Variants in ETV5 observed in about 807,000 individuals in gnomAD.
ETV5 encodes the protein ETS variant transcription factor 5.
ETV5 carries 10 observed loss-of-function variants against 70.0 expected under a neutral mutation model. The observed-to-expected ratio is 0.14, with a 90% CI of 0.09 to 0.24. The LOEUF (loss-of-function observed/expected upper bound fraction) is 0.24, where lower values mean the gene tolerates loss of function less well. ETV5 is among the 10% of genes least tolerant of loss of function. ETV5 has a pLI of 1.00. For missense variants in ETV5, 453 were observed against 651.2 expected, an observed-to-expected ratio of 0.70 and a Z score of 3.31; for synonymous variants, 216 against 242.2, an observed-to-expected ratio of 0.89 and a Z score of 1.01.
Position 186,048,690 on chromosome 3 carries a change from C to T in ETV5, c.1482G>A (p.Leu494=). ...THFEDSPAYL[L]DMDRCSSLPY... ...GGAGGCTGCTGCAGCGGTCCATGTC[C>T]AGGAGGTAAGCGGGGCTGTCTTCAA... The change falls in exon 13 of 13, where the codon CTG becomes CTA. Residue 494 remains leucine, a synonymous_variant. Transcript: ENST00000306376. 1 of 1,614,164 alleles carries T rather than the reference C, an allele frequency of 6.2e-7. No individual in the cohort carries two copies.
In ETV5 at chr3:186,057,227, G is replaced by T; in HGVS notation, c.1057C>A (p.Pro353Thr). The change falls in exon 11 of 13, where the codon CCT becomes ACT. Residue 353 changes from proline (P) to threonine (T), a missense_variant. Around this residue, in one of 4 missense-constraint regions of ETV5, gnomAD observed 307 missense variants for 344.9 expected, o/e 0.89. Coordinates refer to ENST00000306376, the MANE Select transcript of ETV5 (RefSeq NM_004454.3). The surrounding 1 kb of genome is among the most constrained non-coding windows in gnomAD (Gnocchi z 4.9). Reference sequence around the variant, plus strand: ...GGGGGCCCCTCTCGATACATGGTAGGCTCCTGTTTGACTTTGCCTGTTTGG... The same window carrying T: ...GGGGGCCCCTCTCGATACATGGTAGTCTCCTGTTTGACTTTGCCTGTTTGG... ...ERLEGKVKQE[P>T]TMYREGPPYQ... 6.2e-7 allele frequency: 1 copy of T among 1,614,158 alleles called. No homozygotes were observed. The highest frequency in any genetic ancestry group is 8.5e-7 in the Non-Finnish European group (1 of 1,180,010).
Position 186,048,530 on chromosome 3 carries a change from C to T in ETV5, c.*109G>A. On this transcript the variant is annotated 3_prime_UTR_variant, in exon 13 of 13. Coordinates refer to ENST00000306376, the MANE Select transcript of ETV5 (RefSeq NM_004454.3). ...CAGCTTGGGTTCTCCAGATAATACT[C>T]AAAGGGCAAGCTTTAGGAACAACCA... 2 of 1,013,154 alleles carry T rather than the reference C, an allele frequency of 2.0e-6. No individual in the cohort carries two copies. The highest frequency in any genetic ancestry group is 1.5e-6 in the Non-Finnish European group (1 of 666,896). 62.8% of individuals were successfully genotyped at this position (1,013,154 alleles called of 1,614,324 possible).
chr3:186,068,158 G>C (rs1560048278), intron 7 of ETV5, among the ~76,000 whole-genome samples: 1 of 152,214 alleles, frequency 6.6e-6, no homozygotes. Flanking sequence ...TAACTACAAA[G>C]ATGGTCACCA....
At chr3:186,070,143 G>C (rs567986755) in intron 7 of ETV5, among the ~76,000 whole-genome samples, 2 of 152,284 alleles carry the variant, frequency 1.3e-5, no homozygotes, top group East Asian at 1.9e-4. Context: ...TTTTTGTAAA[G>C]TGCCCACATC....
In ETV5 at chr3:186,069,117, A is replaced by T. The variant is rs141159939; in HGVS notation, c.651-3045T>A. Among the ~76,000 whole-genome samples, 1,520 of 152,334 alleles carry T rather than the reference A, an allele frequency of 1.0e-2. 25 individuals carry two copies. The highest frequency in any genetic ancestry group is 0.034 in the African/African-American group (1,432 of 41,570). On this transcript the variant is annotated intron_variant, in intron 7 of 12. Transcript: ENST00000306376. ...ACTGAAGAGATCTGTGTACAGATAG[A>T]ACACTGTTTACATCAGGGTATAGCA...
At chr3:186,088,685 A>G (rs2044191517) in intron 5 of ETV5, among the ~76,000 whole-genome samples, 1 of 152,200 alleles carries the variant, frequency 6.6e-6, no homozygotes, top group South Asian at 2.1e-4. Flanking sequence ...TAACAAGGAC[A>G]CTGGCAAAAC....
At chr3:186,049,538 T>G (rs1712973190) in intron 12 of ETV5, among the ~76,000 whole-genome samples, 1 of 152,186 alleles carries the variant, frequency 6.6e-6, no homozygotes, top group South Asian at 2.1e-4. Flanking sequence ...TGCTGGTTGT[T>G]CAGCAATAGT....
At chr3:186,085,360 C>T (rs939464212) in intron 5 of ETV5, among the ~76,000 whole-genome samples, 16 of 152,234 alleles carry the variant, frequency 1.1e-4, no homozygotes, top group Middle Eastern at 6.8e-3. Flanking sequence ...GTTTACCCTA[C>T]ACTCCCCAGT....
intron 5 of ETV5, among the ~76,000 whole-genome samples, chr3:186,084,844 C>T (rs142946573): frequency 6.6e-6 from 1 of 152,230 alleles, no homozygotes; most frequent in South Asian, 2.1e-4. Context: ...AAGGCATAAA[C>T]CTTTTTTTCA....
At chr3:186,078,223 A>T (rs1372332264) in intron 7 of ETV5, 1 of 1,044,788 alleles carries the variant, frequency 9.6e-7, no homozygotes, top group African/African-American at 1.7e-5. Flanking sequence ...CCCTTGGATA[A>T]AAAACAAGGA....
intron 5 of ETV5, among the ~76,000 whole-genome samples, chr3:186,091,612 C>A (rs1383513192): frequency 6.6e-6 from 1 of 152,168 alleles, no homozygotes; most frequent in Non-Finnish European, 1.5e-5. Flanking sequence ...AAAAAAACTA[C>A]AGTCAGCAGA....
chr3:186,082,513 TG>T (rs1470459246), intron 5 of ETV5, among the ~76,000 whole-genome samples: 2 of 151,406 alleles, frequency 1.3e-5, no homozygotes, highest in African/African-American at 4.9e-5. Context: ...CTCTGCCTCC[TG>T]GGTTCAAACG....
chr3:186,106,994 G>T, intron 1 of ETV5: 1 of 975,370 alleles, frequency 1.0e-6, no homozygotes, highest in African/African-American at 1.8e-5. Context: ...TCTTTTGTTT[G>T]ACATATACAC....
At chr3:186,067,510 G>GC (rs1344725588) in intron 7 of ETV5, among the ~76,000 whole-genome samples, 3 of 152,118 alleles carry the variant, frequency 2.0e-5, no homozygotes, top group Non-Finnish European at 4.4e-5. Context: ...TACTCAGGAG[G>GC]CTGCGGCATC....
intron 12 of ETV5, among the ~76,000 whole-genome samples, chr3:186,050,469 AT>A (rs1713000583): frequency 6.6e-6 from 1 of 152,190 alleles, no homozygotes; most frequent in African/African-American, 2.4e-5. Context: ...TGAACTTAGG[AT>A]TTGGCCTGAT....
intron 7 of ETV5, among the ~76,000 whole-genome samples, chr3:186,073,794 G>A (rs1713703634): frequency 6.6e-6 from 1 of 152,182 alleles, no homozygotes. Context: ...TTTGGAGAGT[G>A]CAAGAAGCTA....
Position 186,076,805 on chromosome 3 carries a change from CAT to C in ETV5, c.650+3010_650+3011del, listed in dbSNP as rs1713801875. Among the ~76,000 whole-genome samples the C allele has an allele frequency of 3.9e-5, 6 of 152,092 alleles. No homozygotes were observed. The South Asian group carries it at 8.3e-4, about 21-fold the overall frequency. On this transcript the variant is annotated intron_variant, in intron 7 of 12. Coordinates refer to ENST00000306376, the MANE Select transcript of ETV5 (RefSeq NM_004454.3). ...CACACCCAGCAAAACAAAAAAGACA[CAT>C]GTTAAGCACATGGGTTTGGATTAAA...
chr3:186,063,282 A>G (rs1204553451), intron 9 of ETV5, among the ~76,000 whole-genome samples: 1 of 152,182 alleles, frequency 6.6e-6, no homozygotes, highest in East Asian at 1.9e-4. Flanking sequence ...CAACAACAAC[A>G]ACAAAAAAAG....
chr3:186,051,641 T>C (rs1713034939), intron 12 of ETV5, among the ~76,000 whole-genome samples: 1 of 152,220 alleles, frequency 6.6e-6, no homozygotes, highest in South Asian at 2.1e-4. Flanking sequence ...GAGGTCTAGG[T>C]GTTTTAATAA....
Sources: allele counts gnomAD v4.1 joint callset (sites outside exome capture counted in the v4.1 genomes callset), GRCh38; gene constraint gnomAD v4.1.1; regional missense constraint gnomAD v4.1.1; non-coding constraint Gnocchi (gnomAD v3.1); transcripts MANE v1.5; gene names NCBI Gene and HGNC (gene_info 2026-07-23, HGNC 2026-07-21).